Variants in CCDC7 observed in about 807,000 individuals in gnomAD.
CCDC7 encodes the protein coiled-coil domain-containing protein 7.
In CCDC7, 183 loss-of-function variants were observed where a neutral mutation model predicts 196.9. The observed-to-expected ratio is 0.93, with a 90% CI of 0.82 to 1.05. The LOEUF is 1.05. Ranked by LOEUF, CCDC7 falls within the 50% of genes least tolerant of loss-of-function variation. CCDC7 has a pLI of 0.00. For missense variants in CCDC7, 1,540 were observed against 1,482.2 expected, an observed-to-expected ratio of 1.04 and a Z score of -0.64; for synonymous variants, 525 against 484.6, an observed-to-expected ratio of 1.08 and a Z score of -1.10.
At chr10:32,512,930 T>C (rs2046441748) in intron 9 of CCDC7, 1 of 152,182 alleles carries the variant, frequency 6.6e-6, no homozygotes, top group African/African-American at 2.4e-5. Flanking sequence ...TAATATCAAC[T>C]ATTGGCAGAG....
intron 29 of CCDC7, among the ~76,000 whole-genome samples, chr10:32,797,289 G>A (rs899716502): frequency 6.6e-6 from 1 of 150,558 alleles, no homozygotes; most frequent in African/African-American, 2.4e-5. Context: ...ATACATATGT[G>A]TATATATACA....
At chr10:32,444,436 A>T (rs2030522432), upstream of CCDC7, among the ~76,000 whole-genome samples, 5 of 152,254 alleles carry the variant, frequency 3.3e-5, no homozygotes, top group Non-Finnish European at 2.9e-5. Context: ...GGCCACAGAT[A>T]TGAATGGTGA....
At chr10:32,729,970 C>T (rs2484738) in intron 28 of CCDC7, among the ~76,000 whole-genome samples, 151,771 of 152,272 alleles carry the variant, frequency 1, 75,638 homozygotes, top group Middle Eastern at 1. Context: ...AAGAAACTTA[C>T]AATTGTATAT....
chr10:32,823,630 C>G (rs565778120), intron 31 of CCDC7, among the ~76,000 whole-genome samples: 2 of 152,322 alleles, frequency 1.3e-5, no homozygotes, highest in African/African-American at 4.8e-5. Flanking sequence ...CCATTACATG[C>G]TCTGCTAAAA....
At chr10:32,824,679 C>T (rs935411814) in intron 32 of CCDC7, 75 bp downstream of exon 33, 2 of 905,256 alleles carry the variant, frequency 2.2e-6, no homozygotes, top group Non-Finnish European at 3.5e-6. Flanking sequence ...TCTCTAATGA[C>T]AACAGTACCT....
chr10:32,637,726 T>C (rs1174992665), intron 20 of CCDC7, among the ~76,000 whole-genome samples: 2 of 152,152 alleles, frequency 1.3e-5, no homozygotes, highest in East Asian at 3.8e-4. Context: ...CTTTTTTGGT[T>C]CCATATGAAC....
At chr10:32,517,895 A>C in intron 9 of CCDC7, 50 bp from the exon 11 acceptor site, 2 of 1,559,140 alleles carry the variant, frequency 1.3e-6, no homozygotes, top group Non-Finnish European at 1.7e-6. Flanking sequence ...TTCATAAATT[A>C]AAATATAAAT....
chr10:32,802,383 C>T (rs2084975453), intron 29 of CCDC7, among the ~76,000 whole-genome samples: 1 of 152,164 alleles, frequency 6.6e-6, no homozygotes, highest in South Asian at 2.1e-4. Context: ...ACACCAAGAA[C>T]TATCAGTGTT....
intron 21 of CCDC7, among the ~76,000 whole-genome samples, chr10:32,677,381 G>A (rs1382928355): frequency 6.6e-6 from 1 of 150,790 alleles, no homozygotes; most frequent in Non-Finnish European, 1.5e-5. Context: ...TAAAAAAAAA[G>A]AATTCCCTTT....
At chr10:32,841,388 C>G (rs1484599519) in intron 33 of CCDC7, among the ~76,000 whole-genome samples, 1 of 151,880 alleles carries the variant, frequency 6.6e-6, no homozygotes, top group South Asian at 2.1e-4. Flanking sequence ...AAGAACTCAA[C>G]TCCTTTCACA....
chr10:32,700,204 T>C (rs908598292), intron 24 of CCDC7, among the ~76,000 whole-genome samples: 2 of 149,590 alleles, frequency 1.3e-5, no homozygotes, highest in Non-Finnish European at 2.9e-5. Flanking sequence ...CATTTAAGTC[T>C]TTAATCGATC....
chr10:32,634,645 T>C (rs1210819940), intron 19 of CCDC7, among the ~76,000 whole-genome samples: 1 of 152,188 alleles, frequency 6.6e-6, no homozygotes, highest in Admixed American at 6.5e-5. Flanking sequence ...TCCACCCACC[T>C]TGGCCTCCCA....
intron 15 of CCDC7, among the ~76,000 whole-genome samples, chr10:32,571,464 T>C (rs923357704): frequency 6.6e-6 from 1 of 152,174 alleles, no homozygotes; most frequent in African/African-American, 2.4e-5. Context: ...TTTAAAAGGA[T>C]TAGATAATTA....
At position 32,689,107 on chromosome 10, in the gene CCDC7, C is replaced by G. The variant is rs769484846; in HGVS notation, c.2288C>G (p.Ser763Ter). 6.2e-7 allele frequency: 1 copy of G among 1,608,568 alleles called. No homozygotes were observed. Among genetic ancestry groups the G allele is most frequent in the East Asian group, 2.2e-5 (1 of 44,636 alleles). ...ATACTTAGGCATCAAGACTCAATGT[C>G]AAAATCAGAAATGCAAGTGAAGGAA... Residue 763 changes from serine (S) to a stop codon, truncating the protein, a stop_gained, in exon 23 of 42, where the codon TCA (serine) becomes TGA (stop). Transcript: ENST00000639629. LOFTEE classifies it high-confidence loss of function.
intron 29 of CCDC7, among the ~76,000 whole-genome samples, chr10:32,802,395 T>C (rs2084977814): frequency 6.6e-6 from 1 of 152,176 alleles, no homozygotes; most frequent in African/African-American, 2.4e-5. Flanking sequence ...ATCAGTGTTC[T>C]CCATACTATT....
rs79245421 is a variant in CCDC7, at chr10:32,680,683, AT to A, written c.2123-5285del. ...GGCCTCAGACCCAAAACCAGACAGC[AT>A]TATCTATTTGCCTGTCATCTTGGCG... On this transcript the variant is annotated intron_variant, in intron 21 of 41. Transcript: ENST00000639629. Among the ~76,000 whole-genome samples the A allele has an allele frequency of 1.8e-3, 268 of 152,274 alleles. 5 individuals are homozygous for A. In the East Asian group the frequency reaches 0.046, roughly 26 times the overall value.
chr10:32,862,865 A>G (rs1293176479), intron 41 of CCDC7, among the ~76,000 whole-genome samples: 3 of 152,146 alleles, frequency 2.0e-5, no homozygotes, highest in East Asian at 1.9e-4. Context: ...TAAACAAATA[A>G]TGACCTAACT....
chr10:32,648,942 T>C (rs1414397905), intron 20 of CCDC7, among the ~76,000 whole-genome samples: 1 of 152,122 alleles, frequency 6.6e-6, no homozygotes, highest in Non-Finnish European at 1.5e-5. Context: ...ATAAAGAAAA[T>C]GTGGTACATA....
At position 32,593,662 on chromosome 10, in the gene CCDC7, A is replaced by T. The variant is rs1213386459; in HGVS notation, c.1801+9358A>T. Among the ~76,000 whole-genome samples, 10 of 152,046 alleles carry T rather than the reference A, an allele frequency of 6.6e-5. 1 individual carries two copies. Among genetic ancestry groups the T allele is most frequent in the Non-Finnish European group, 1.5e-4 (10 of 67,980 alleles). Reference sequence around the variant, plus strand: ...GAATGGTATTGCCTAGGTTTTCTTCAAGGGTTTTTATGGTTTCAGGTCTAA... The same window carrying T: ...GAATGGTATTGCCTAGGTTTTCTTCTAGGGTTTTTATGGTTTCAGGTCTAA... On this transcript the variant is annotated intron_variant, in intron 18 of 41. Transcript: ENST00000639629.
Sources: allele counts gnomAD v4.1 joint callset (sites outside exome capture counted in the v4.1 genomes callset), GRCh38; gene constraint gnomAD v4.1.1; transcripts MANE v1.5; gene names NCBI Gene and HGNC (gene_info 2026-07-23, HGNC 2026-07-21).